TMEM132B: variants seen among roughly 807,000 people sequenced by gnomAD.
TMEM132B encodes transmembrane protein 132B.
In TMEM132B, 18 loss-of-function variants were observed where a neutral mutation model predicts 90.8. The ratio of observed to expected loss-of-function variants is 0.20; its 90% CI spans 0.14 to 0.29. TMEM132B has a LOEUF of 0.29. Among genes scored for constraint, TMEM132B ranks in the 10% least tolerant of loss-of-function variants. The pLI is 1.00. For synonymous variants in TMEM132B, 504 were observed against 523.3 expected (o/e 0.96, Z 0.50); for missense variants, 1,096 against 1,326.8 (o/e 0.83, Z 2.70).
intron 1 of TMEM132B, among the ~76,000 whole-genome samples, chr12:125,304,126 G>A (rs563728034): frequency 5.9e-5 from 9 of 152,304 alleles, no homozygotes; most frequent in East Asian, 3.9e-4. Context: ...CCTCGCATGC[G>A]CAGTTCACAA....
At chr12:125,441,627 A>G (rs1880875226) in intron 3 of TMEM132B, among the ~76,000 whole-genome samples, 1 of 152,228 alleles carries the variant, frequency 6.6e-6, no homozygotes, top group Non-Finnish European at 1.5e-5. Flanking sequence ...GGGGTCTGAC[A>G]GAGTAGCCCA....
chr12:125,620,489 A>G (rs1297331488), intron 5 of TMEM132B, among the ~76,000 whole-genome samples: 1 of 152,228 alleles, frequency 6.6e-6, no homozygotes, highest in East Asian at 1.9e-4. Context: ...CAAAATATGC[A>G]TATTATCACT....
At chr12:125,342,164 A>G (rs535228139) in intron 1 of TMEM132B, among the ~76,000 whole-genome samples, 3 of 152,254 alleles carry the variant, frequency 2.0e-5, no homozygotes, top group Non-Finnish European at 4.4e-5. Flanking sequence ...TTAGGTTTTT[A>G]CCTTATACAC....
intron 2 of TMEM132B, among the ~76,000 whole-genome samples, chr12:125,383,789 G>T (rs963304636): frequency 6.6e-6 from 1 of 152,206 alleles, no homozygotes; most frequent in Non-Finnish European, 1.5e-5. Flanking sequence ...CTAGATAGGC[G>T]AAGGCTCTAA....
chr12:125,457,262 A>G (rs572422272), intron 3 of TMEM132B, among the ~76,000 whole-genome samples: 9 of 152,070 alleles, frequency 5.9e-5, no homozygotes, highest in African/African-American at 2.2e-4. Flanking sequence ...CTCCCCTAAG[A>G]CTGTCTTTTT....
At chr12:125,316,097 C>T (rs1013092721) in intron 1 of TMEM132B, among the ~76,000 whole-genome samples, 3 of 152,184 alleles carry the variant, frequency 2.0e-5, no homozygotes, top group African/African-American at 7.2e-5. Flanking sequence ...CTTCAAGTTG[C>T]CCAGCTCAAA....
chr12:125,396,012 C>A (rs1359877470), intron 2 of TMEM132B, among the ~76,000 whole-genome samples: 2 of 152,192 alleles, frequency 1.3e-5, no homozygotes, highest in African/African-American at 4.8e-5. Flanking sequence ...CAAATGGTTC[C>A]TCCTTGGACC....
At chr12:125,443,732 TCAGTGTCAACA>T (rs1288491600) in intron 3 of TMEM132B, among the ~76,000 whole-genome samples, 1 of 152,246 alleles carries the variant, frequency 6.6e-6, no homozygotes, top group Admixed American at 6.5e-5. Context: ...TACATTTTTT[TCAGTGTCAACA>T]GATGCCATTG....
At chr12:125,592,789 A>C (rs1885348578) in intron 5 of TMEM132B, among the ~76,000 whole-genome samples, 1 of 152,206 alleles carries the variant, frequency 6.6e-6, no homozygotes, top group Non-Finnish European at 1.5e-5. Context: ...AGAGAGGCGC[A>C]CCTGAGCTGA....
At chr12:125,210,076 G>C (rs1029375023) in intron 1 of TMEM132B, among the ~76,000 whole-genome samples, 1 of 152,170 alleles carries the variant, frequency 6.6e-6, no homozygotes, top group Non-Finnish European at 1.5e-5. Context: ...GTCAGATCGG[G>C]GAGGCAGATG....
At chr12:125,501,907 G>A (rs773316561) in intron 3 of TMEM132B, among the ~76,000 whole-genome samples, 67 of 152,322 alleles carry the variant, frequency 4.4e-4, no homozygotes, top group Non-Finnish European at 7.8e-4. Context: ...AGGAATAACC[G>A]TTCAGGTGTA....
At chr12:125,197,478 G>C (rs1872950689) in intron 1 of TMEM132B, among the ~76,000 whole-genome samples, 1 of 152,184 alleles carries the variant, frequency 6.6e-6, no homozygotes, top group Admixed American at 6.6e-5. Flanking sequence ...GCATCAGCAA[G>C]CCATAGGCCA....
At chr12:125,516,647 C>T (rs1592968627) in intron 3 of TMEM132B, among the ~76,000 whole-genome samples, 3 of 152,298 alleles carry the variant, frequency 2.0e-5, no homozygotes, top group Middle Eastern at 3.4e-3. Context: ...TAAAGACTGG[C>T]CACTTCTCTT....
At chr12:125,374,509 T>G (rs2136275885) in intron 2 of TMEM132B, among the ~76,000 whole-genome samples, 1 of 152,274 alleles carries the variant, frequency 6.6e-6, no homozygotes, top group African/African-American at 2.4e-5. Context: ...CCTTGAGTCC[T>G]GGATGTCTCC....
intron 2 of TMEM132B, among the ~76,000 whole-genome samples, chr12:125,365,566 T>C (rs1878104166): frequency 6.6e-6 from 1 of 152,130 alleles, no homozygotes; most frequent in Admixed American, 6.6e-5. Context: ...ATGACTTCTC[T>C]TGGCAATTTT....
chr12:125,364,828 G>A (rs184997742), intron 2 of TMEM132B, among the ~76,000 whole-genome samples: 140 of 152,026 alleles, frequency 9.2e-4, no homozygotes, highest in Middle Eastern at 6.8e-3. Context: ...CAATACAGTT[G>A]ATTTTTTTGT....
intron 8 of TMEM132B, 83 bp downstream of exon 8, chr12:125,652,715 A>G: frequency 6.8e-7 from 1 of 1,475,682 alleles, no homozygotes; most frequent in Non-Finnish European, 9.1e-7. Context: ...GGAGAGCAGG[A>G]GAGCCCTCAC....
chr12:125,411,579 C>G (rs150840971), intron 2 of TMEM132B, among the ~76,000 whole-genome samples: 2 of 151,992 alleles, frequency 1.3e-5, no homozygotes, highest in Non-Finnish European at 1.5e-5. Context: ...CTCTAGGGTA[C>G]GTGTGAGGGG....
intron 3 of TMEM132B, among the ~76,000 whole-genome samples, chr12:125,417,018 G>T (rs1030800726): frequency 6.6e-6 from 1 of 152,198 alleles, no homozygotes; most frequent in Non-Finnish European, 1.5e-5. Context: ...TCACATAAAA[G>T]AAATTGAGAG....
Sources: gnomAD v4.1 joint callset for allele counts (sites outside exome capture counted in the v4.1 genomes callset) on GRCh38, gnomAD v4.1.1 for gene constraint, MANE v1.5 for transcripts, NCBI Gene and HGNC (gene_info 2026-07-23, HGNC 2026-07-21) for gene names.